The following KIF24 variants were observed in gnomAD, a reference collection of about 807,000 sequenced individuals.
The protein encoded by KIF24 is kinesin family member 24.
In KIF24, 81 loss-of-function variants were observed where a neutral mutation model predicts 118.9. That is an observed-to-expected ratio of 0.68 (90% CI 0.57 to 0.82). The LOEUF is 0.82. KIF24 is among the 40% of genes least tolerant of loss of function. The pLI is 0.00. For missense variants in KIF24, 1,560 were observed against 1,661.6 expected (o/e 0.94, Z 1.06); for synonymous variants, 599 against 610.0 (o/e 0.98, Z 0.27).
intron 1 of KIF24, among the ~76,000 whole-genome samples, chr9:34,316,825 A>G (rs1470753630): frequency 6.6e-6 from 1 of 152,108 alleles, no homozygotes; most frequent in East Asian, 1.9e-4. Flanking sequence ...TAATCCCAGC[A>G]CTTTGGGAGG....
intron 1 of KIF24, among the ~76,000 whole-genome samples, chr9:34,323,225 G>C (rs1182331202): frequency 6.6e-6 from 1 of 152,124 alleles, no homozygotes; most frequent in Non-Finnish European, 1.5e-5. Context: ...TTTTTAAAAA[G>C]TAGTTTTCAA....
At chr9:34,261,353 C>T (rs937046874) in intron 9 of KIF24, among the ~76,000 whole-genome samples, 5 of 152,196 alleles carry the variant, frequency 3.3e-5, no homozygotes, top group African/African-American at 1.2e-4. Flanking sequence ...CCTCCCATGC[C>T]ACTCTTCCGC....
At chr9:34,269,218 C>T in intron 8 of KIF24, 39 bp downstream of exon 8, 1 of 1,276,528 alleles carries the variant, frequency 7.8e-7, no homozygotes, top group Non-Finnish European at 1.1e-6. Context: ...GGCAGTCTTT[C>T]AAGAAGGATT....
intron 8 of KIF24, among the ~76,000 whole-genome samples, chr9:34,265,813 T>G (rs570756393): frequency 4.7e-4 from 72 of 152,250 alleles, no homozygotes; most frequent in African/African-American, 1.7e-3. Flanking sequence ...CAAATAAACA[T>G]TTAAATAAAT....
intron 2 of KIF24, 64 bp from the exon 3 acceptor site, chr9:34,306,505 A>C: frequency 8.5e-7 from 1 of 1,172,530 alleles, no homozygotes; most frequent in Non-Finnish European, 1.2e-6. Context: ...AACAGGTCAA[A>C]GTATTGGTAC....
chr9:34,324,037 TTAA>T (rs1265340271), intron 1 of KIF24, among the ~76,000 whole-genome samples: 1 of 152,204 alleles, frequency 6.6e-6, no homozygotes, highest in Non-Finnish European at 1.5e-5. Flanking sequence ...AGTGGCTAAT[TTAA>T]AAGACTGTAA....
At chr9:34,321,716 C>T (rs1243782241) in intron 1 of KIF24, among the ~76,000 whole-genome samples, 3 of 151,514 alleles carry the variant, frequency 2.0e-5, no homozygotes, top group South Asian at 2.1e-4. Flanking sequence ...AACCAATCCT[C>T]CTGCTTCAGT....
upstream of KIF24, among the ~76,000 whole-genome samples, chr9:34,330,757 C>G (rs1047813530): frequency 2.0e-5 from 3 of 152,018 alleles, no homozygotes; most frequent in South Asian, 2.1e-4. Flanking sequence ...GTCAGGAGAT[C>G]GAGACCATCC....
intron 7 of KIF24, among the ~76,000 whole-genome samples, chr9:34,271,013 T>A (rs1835483960): frequency 6.6e-6 from 1 of 151,592 alleles, no homozygotes; most frequent in East Asian, 2.0e-4. Flanking sequence ...GAGGAATGCT[T>A]GAGCCCAGGA....
chr9:34,261,788 A>G (rs567887824), intron 9 of KIF24, among the ~76,000 whole-genome samples: 134 of 152,326 alleles, frequency 8.8e-4, no homozygotes, highest in African/African-American at 3.0e-3. Flanking sequence ...ATCAGTACAT[A>G]TAGAAAATCT....
Position 34,257,762 on chromosome 9 carries a change from T to C in KIF24, c.1845A>G (p.Pro615=). The part of the protein sequence containing the change: ...RGKVHPLTSH[P]PNIPFTSAPK... The stretch of plus-strand genomic sequence containing the variant: ...GTGCAGAAGTAAAAGGAATGTTGGG[T>C]GGGTGGCTGGTCAGAGGATGGACCT... Residue 615 remains proline (P), a synonymous_variant, in exon 11 of 13, where the codon CCA becomes CCG. Transcript: ENST00000402558. The C allele has an allele frequency of 6.2e-7, 1 of 1,613,996 alleles. No individual in the cohort carries two copies. Among genetic ancestry groups the C allele is most frequent in the Non-Finnish European group, 8.5e-7 (1 of 1,179,908 alleles).
intron 2 of KIF24, among the ~76,000 whole-genome samples, chr9:34,309,536 G>A (rs1427196371): frequency 1.0e-4 from 12 of 118,378 alleles, no homozygotes; most frequent in African/African-American, 3.2e-4. Flanking sequence ...GCGAGACTCC[G>A]TCTCAAAAAA....
intron 1 of KIF24, chr9:34,319,678 G>T: frequency 1.3e-6 from 1 of 771,806 alleles, no homozygotes; most frequent in South Asian, 1.4e-5. Flanking sequence ...CACACAGGAT[G>T]GCAGGAGGCA....
At position 34,257,546 on chromosome 9, in the gene KIF24, G is replaced by A. The variant is rs758498781; in HGVS notation, c.2061C>T (p.Ala687=). 3.1e-6 allele frequency: 5 copies of A among 1,614,074 alleles called. No homozygotes were observed. The East Asian group carries it at 6.7e-5, about 22-fold the overall frequency. The part of the protein sequence containing the change: ...NKTVLGWESR[A]SGPGEGLVRG... ...GCACTAGGCCTTCTCCTGGGCCTGA[G>A]GCCCTGCTTTCCCACCCAAGGACAG... Residue 687 remains alanine, a synonymous_variant, in exon 11 of 13, where the codon GCC becomes GCT. Transcript: ENST00000402558.
intron 8 of KIF24, among the ~76,000 whole-genome samples, chr9:34,264,338 G>C (rs962078593): frequency 6.6e-6 from 1 of 151,892 alleles, no homozygotes; most frequent in Non-Finnish European, 1.5e-5. Context: ...GCTGAGAAAG[G>C]AGAAAAGCTT....
In KIF24 at chr9:34,256,601, G is replaced by C; in HGVS notation, c.3006C>G (p.Asp1002Glu). The C allele has an allele frequency of 6.2e-7, 1 of 1,613,980 alleles. No homozygotes were observed. Among genetic ancestry groups the C allele is most frequent in the South Asian group, 1.1e-5 (1 of 91,090 alleles). Reference sequence around the variant, plus strand: ...CTTCTCTCAGAGGTGTGGTGACTGTGTCTCTTTGGTCTGGGGATCCAGGAA... The same window carrying C: ...CTTCTCTCAGAGGTGTGGTGACTGTCTCTCTTTGGTCTGGGGATCCAGGAA... The part of the protein sequence containing the change: ...VAVPGSPDQR[D>E]TVTTPLREVS... The change falls in exon 11 of 13, where the codon GAC becomes GAG. Residue 1002 changes from aspartate (D) to glutamate (E), a missense_variant. Asp to Glu is a conservative substitution (Grantham distance 45, BLOSUM62 2). This residue lies in a region of KIF24 where 591 missense variants were observed against 655.6 expected (regional missense o/e 0.90). Transcript: ENST00000402558.
At chr9:34,305,184 C>T (rs1836865286) in intron 3 of KIF24, among the ~76,000 whole-genome samples, 1 of 152,076 alleles carries the variant, frequency 6.6e-6, no homozygotes, top group South Asian at 2.1e-4. Flanking sequence ...CTTTCAATAC[C>T]AAACTCTTTC....
intron 10 of KIF24, among the ~76,000 whole-genome samples, chr9:34,258,934 A>G (rs879759395): frequency 1.3e-5 from 2 of 152,178 alleles, no homozygotes; most frequent in African/African-American, 2.4e-5. Flanking sequence ...TGCTCACTAG[A>G]TGCCAGTAGC....
rs1587922458 is a variant in KIF24 at position 34,269,128 on chromosome 9, G to T, written c.1443+129C>A. The T allele has an allele frequency of 2.4e-5, 12 of 505,322 alleles. No homozygotes were observed. In the East Asian group the frequency reaches 3.8e-4, roughly 16 times the overall value. 31.3% of individuals were successfully genotyped at this position (505,322 alleles called of 1,614,324 possible). A position where few individuals can be genotyped will look rare whatever the true frequency, so the allele number is the denominator to read the frequency against. On this transcript the variant is annotated intron_variant, in intron 8 of 12. Coordinates refer to ENST00000402558, the MANE Select transcript of KIF24 (RefSeq NM_194313.4). ...GGTCAGCCCTCTATCTCCAACCCTG[G>T]CATTCTATTACTACATAAGAACAGG...
Sources: allele counts gnomAD v4.1 joint callset (sites outside exome capture counted in the v4.1 genomes callset), GRCh38; gene constraint gnomAD v4.1.1; regional missense constraint gnomAD v4.1.1; transcripts MANE v1.5; gene names NCBI Gene and HGNC (gene_info 2026-07-23, HGNC 2026-07-21).